Variants in TULP4 observed in about 807,000 individuals in gnomAD.
TULP4 encodes the protein TUB like protein 4.
TULP4 carries 16 observed loss-of-function variants against 129.0 expected under a neutral mutation model. That is an observed-to-expected ratio of 0.12 (90% confidence interval 0.08 to 0.19). The LOEUF (loss-of-function observed/expected upper bound fraction) is 0.19. Among genes scored for constraint, TULP4 ranks in the 10% least tolerant of loss-of-function variants. TULP4 has a pLI of 1.00. For synonymous variants in TULP4, 998 were observed against 854.0 expected (o/e 1.17, Z -2.94); for missense variants, 1,842 against 2,059.1 (o/e 0.89, Z 2.04).
chr6:158,373,824 T>C (rs1236029788), intron 1 of TULP4, among the ~76,000 whole-genome samples: 1 of 152,184 alleles, frequency 6.6e-6, no homozygotes, highest in Non-Finnish European at 1.5e-5. Context: ...CTTGCTGTGT[T>C]CTGGTGGTTG....
chr6:158,347,796 G>A (rs1780346308), intron 1 of TULP4, among the ~76,000 whole-genome samples: 1 of 152,034 alleles, frequency 6.6e-6, no homozygotes, highest in South Asian at 2.1e-4. Flanking sequence ...TGCATCACAA[G>A]TTATCCCTTC....
At chr6:158,469,078 C>T (rs1779615872) in intron 6 of TULP4, among the ~76,000 whole-genome samples, 1 of 152,030 alleles carries the variant, frequency 6.6e-6, no homozygotes, top group African/African-American at 2.4e-5. Context: ...ATTTTATGAG[C>T]AAGGGAGAGG....
chr6:158,511,467 T>C lies in TULP4; in HGVS notation c.*4773T>C, dbSNP rs747937162. 14 of 152,154 alleles carry C rather than the reference T, an allele frequency of 9.2e-5. No individual in the cohort carries two copies. The highest frequency in any genetic ancestry group is 7.7e-4 in the East Asian group (4 of 5,168). The allele number at this position is 152,154 out of a possible 1,614,324, so 9.4% of individuals were successfully genotyped here. A position where few individuals can be genotyped will look rare whatever the true frequency, so the allele number is the denominator to read the frequency against. On this transcript the variant is annotated 3_prime_UTR_variant, in exon 14 of 14. Coordinates refer to ENST00000367097, the MANE Select transcript of TULP4 (RefSeq NM_020245.5). ...CCAAACTAGACCACCAGCATGTTCATGTCCAGACCTCGGCAGTGGCGTGCA... is the reference window on the plus strand; with the variant it reads ...CCAAACTAGACCACCAGCATGTTCACGTCCAGACCTCGGCAGTGGCGTGCA...
intron 1 of TULP4, among the ~76,000 whole-genome samples, chr6:158,284,840 C>G (rs1002700964): frequency 3.9e-5 from 6 of 152,142 alleles, no homozygotes; most frequent in Admixed American, 2.0e-4. Flanking sequence ...GTAACTTGCC[C>G]GAGGTGTGAG....
At chr6:158,304,005 CA>C (rs1192534553) in intron 1 of TULP4, among the ~76,000 whole-genome samples, 1 of 151,960 alleles carries the variant, frequency 6.6e-6, no homozygotes, top group Non-Finnish European at 1.5e-5. Flanking sequence ...TCAGATAACA[CA>C]AAACAAATTG....
chr6:158,254,294 C>G (rs1272540958), intron 1 of TULP4, among the ~76,000 whole-genome samples: 1 of 150,730 alleles, frequency 6.6e-6, no homozygotes, highest in Non-Finnish European at 1.5e-5. Flanking sequence ...AGGAATGCGC[C>G]ACCATGCCTG....
intron 1 of TULP4, among the ~76,000 whole-genome samples, chr6:158,320,959 G>A (rs905759475): frequency 1.3e-5 from 2 of 152,022 alleles, no homozygotes; most frequent in African/African-American, 2.4e-5. Context: ...TGCTTGCCTC[G>A]TTTGGTAAAA....
intron 5 of TULP4, among the ~76,000 whole-genome samples, chr6:158,455,297 A>G (rs1214420550): frequency 4.4e-5 from 5 of 113,160 alleles, no homozygotes; most frequent in Non-Finnish European, 5.4e-5. Context: ...GATGGTCTCG[A>G]TCTCCTGACC....
chr6:158,268,881 G>A (rs1382774699), intron 1 of TULP4, among the ~76,000 whole-genome samples: 1 of 151,960 alleles, frequency 6.6e-6, no homozygotes, highest in Non-Finnish European at 1.5e-5. Flanking sequence ...AGCACTTTTG[G>A]TGAGCATCTT....
At chr6:158,349,074 A>G (rs1780406549) in intron 1 of TULP4, among the ~76,000 whole-genome samples, 1 of 116,946 alleles carries the variant, frequency 8.6e-6, no homozygotes, top group African/African-American at 3.0e-5. Flanking sequence ...GGCCAGGCAG[A>G]GGCGCTCCTC....
At chr6:158,470,274 G>A (rs374651473) in intron 6 of TULP4, among the ~76,000 whole-genome samples, 4 of 152,350 alleles carry the variant, frequency 2.6e-5, no homozygotes, top group Admixed American at 2.0e-4. Context: ...GACAGCGAGC[G>A]AAAGCTCAGC....
intron 1 of TULP4, among the ~76,000 whole-genome samples, chr6:158,389,740 T>A (rs944410289): frequency 6.6e-6 from 1 of 152,192 alleles, no homozygotes; most frequent in Admixed American, 6.5e-5. Flanking sequence ...ATTGTGGACT[T>A]GGCCCAGTCA....
At chr6:158,478,918 A>G (rs1779877015) in intron 6 of TULP4, among the ~76,000 whole-genome samples, 1 of 152,256 alleles carries the variant, frequency 6.6e-6, no homozygotes, top group African/African-American at 2.4e-5. Flanking sequence ...GTTCTCCTCA[A>G]TCGCCTTTCC....
intron 1 of TULP4, among the ~76,000 whole-genome samples, chr6:158,249,089 CA>C (rs3884262): frequency 1.3e-3 from 136 of 106,522 alleles, no homozygotes; most frequent in Admixed American, 1.5e-3. Flanking sequence ...GACCCTGTCT[CA>C]AAAAAAAAAA....
intron 1 of TULP4, among the ~76,000 whole-genome samples, chr6:158,250,753 T>A (rs962891852): frequency 9.9e-5 from 15 of 152,190 alleles, no homozygotes; most frequent in African/African-American, 3.1e-4. Flanking sequence ...GGTGAAGTTC[T>A]TTCTCCCCCA....
intron 1 of TULP4, among the ~76,000 whole-genome samples, chr6:158,365,684 T>G (rs1167712665): frequency 1.3e-5 from 2 of 150,816 alleles, no homozygotes; most frequent in Non-Finnish European, 3.0e-5. Context: ...TGTTAGCCAA[T>G]AGGGTCTCGA....
intron 1 of TULP4, among the ~76,000 whole-genome samples, chr6:158,294,219 C>T (rs1778991039): frequency 6.6e-6 from 1 of 151,906 alleles, no homozygotes; most frequent in African/African-American, 2.4e-5. Context: ...CAAACATTAG[C>T]TGGGCGTGGT....
At chr6:158,247,950 C>T (rs555028206) in intron 1 of TULP4, among the ~76,000 whole-genome samples, 1 of 152,180 alleles carries the variant, frequency 6.6e-6, no homozygotes, top group Non-Finnish European at 1.5e-5. Context: ...ACCCTCTTAG[C>T]CACAAAACCG....
intron 5 of TULP4, 111 bp from the exon 6 acceptor site, chr6:158,461,452 T>G: frequency 2.4e-5 from 24 of 984,844 alleles, no homozygotes; most frequent in Non-Finnish European, 3.3e-5. Context: ...TATATTTTTG[T>G]TGTATTTGCT....
Sources: allele counts gnomAD v4.1 joint callset (sites outside exome capture counted in the v4.1 genomes callset), GRCh38; gene constraint gnomAD v4.1.1; transcripts MANE v1.5; gene names NCBI Gene and HGNC (gene_info 2026-07-23, HGNC 2026-07-21).